PLCG2: variants seen among roughly 807,000 people sequenced by gnomAD.
PLCG2 encodes the protein phospholipase C gamma 2.
PLCG2 carries 69 observed loss-of-function variants against 175.6 expected under a neutral mutation model. That is an observed-to-expected ratio of 0.39 (90% CI 0.32 to 0.48). The LOEUF (loss-of-function observed/expected upper bound fraction) is 0.48, where lower values mean the gene tolerates loss of function less well. PLCG2 is among the 20% of genes least tolerant of loss of function. PLCG2 has a pLI of 0.91. For missense variants in PLCG2, 1,798 were observed against 1,650.9 expected, an observed-to-expected ratio of 1.09 and a Z score of -1.54; for synonymous variants, 827 against 624.0, an observed-to-expected ratio of 1.33 and a Z score of -4.85.
At chr16:81,832,107 G>A (rs572894545) in intron 2 of PLCG2, among the ~76,000 whole-genome samples, 2 of 152,086 alleles carry the variant, frequency 1.3e-5, no homozygotes, top group Admixed American at 6.6e-5. Flanking sequence ...ATAAATGGAG[G>A]GGGGGAATAG....
intron 10 of PLCG2, among the ~76,000 whole-genome samples, chr16:81,889,740 C>T (rs1030575735): frequency 3.3e-5 from 5 of 152,034 alleles, no homozygotes; most frequent in Non-Finnish European, 7.4e-5. Context: ...CTGCAACCTC[C>T]GCCTCCCAGG....
intron 2 of PLCG2, among the ~76,000 whole-genome samples, chr16:81,828,846 TC>T (rs546580205): frequency 3.3e-5 from 5 of 152,246 alleles, no homozygotes; most frequent in Admixed American, 3.3e-4. Context: ...TAACTTGCAT[TC>T]CTTTTTCTTT....
At chr16:81,808,981 G>A (rs1343147233) in intron 2 of PLCG2, among the ~76,000 whole-genome samples, 1 of 152,208 alleles carries the variant, frequency 6.6e-6, no homozygotes, top group Non-Finnish European at 1.5e-5. Flanking sequence ...GGTTGGTGGT[G>A]TCTACCAGGC....
intron 2 of PLCG2, among the ~76,000 whole-genome samples, chr16:81,843,975 C>A (rs1905972150): frequency 6.7e-6 from 1 of 149,636 alleles, no homozygotes; most frequent in South Asian, 2.1e-4. Flanking sequence ...TTTTCTTTTT[C>A]TTTCTTTCTT....
chr16:81,919,424 G>C, intron 19 of PLCG2, 60 bp from the exon 20 acceptor site: 1 of 1,394,686 alleles, frequency 7.2e-7, no homozygotes, highest in Non-Finnish European at 1.0e-6. Context: ...TAGGGTTTGT[G>C]TAAAAATTGT....
chr16:81,948,357 T>C (rs1911234587), intron 31 of PLCG2, among the ~76,000 whole-genome samples: 1 of 152,174 alleles, frequency 6.6e-6, no homozygotes, highest in Non-Finnish European at 1.5e-5. Context: ...TAAATAGTCA[T>C]CATCTTCCAT....
intron 27 of PLCG2, among the ~76,000 whole-genome samples, chr16:81,936,984 A>C (rs931755700): frequency 6.6e-6 from 1 of 152,236 alleles, no homozygotes; most frequent in Non-Finnish European, 1.5e-5. Flanking sequence ...CATAGACAGC[A>C]CTGCCTTCTG....
intron 9 of PLCG2, chr16:81,883,619 G>A (rs1908203750): frequency 2.1e-6 from 1 of 486,618 alleles, no homozygotes; most frequent in Non-Finnish European, 3.8e-6. Flanking sequence ...AAGATGGCAG[G>A]GCAGGAGGGG....
intron 2 of PLCG2, among the ~76,000 whole-genome samples, chr16:81,821,339 A>G (rs1003883938): frequency 6.6e-6 from 1 of 152,248 alleles, no homozygotes; most frequent in Admixed American, 6.5e-5. Context: ...AAACCACCCC[A>G]AGGCATAGTG....
At position 81,908,472 on chromosome 16, in the gene PLCG2, G is replaced by A. The variant is rs773709192; in HGVS notation, c.1614G>A (p.Glu538=). 2 of 1,614,170 alleles carry A rather than the reference G, an allele frequency of 1.2e-6. No individual in the cohort carries two copies. The highest frequency in any genetic ancestry group is 1.7e-6 in the Non-Finnish European group (2 of 1,180,010). Residue 538 remains glutamate (E), a synonymous_variant, in exon 17 of 33, where the codon GAG becomes GAA. Transcript: ENST00000564138. ...AGAAATGGTTCCACAAGAAGGTGGA[G>A]AAGAGGACGAGTGCCGAGAAGTTGC... ...FGEKWFHKKV[E]KRTSAEKLLQ...
intron 10 of PLCG2, 59 bp from the exon 11 acceptor site, chr16:81,891,413 A>G: frequency 1.0e-6 from 1 of 979,562 alleles, no homozygotes; most frequent in Non-Finnish European, 1.7e-6. Flanking sequence ...ACCAGAAACA[A>G]GCAGACACCA....
In PLCG2 at chr16:81,960,006, T is replaced by C. The variant is rs1179721369; in HGVS notation, c.*2008T>C. On this transcript the variant is annotated 3_prime_UTR_variant, in exon 33 of 33. Coordinates refer to ENST00000564138, the MANE Select transcript of PLCG2 (RefSeq NM_002661.5). ...CGGCATAGGAAGCAGAAGCTAAGCC[T>C]CTCTCCAGCTGCTGCTGTGTAAAAT... 1.9e-5 allele frequency: 4 copies of C among 213,570 alleles called. No individual in the cohort carries two copies. Among genetic ancestry groups the C allele is most frequent in the African/African-American group, 6.8e-5 (3 of 44,226 alleles). The allele number at this position is 213,570 out of a possible 1,614,324, so 13.2% of individuals were successfully genotyped here. A position where few individuals can be genotyped will look rare whatever the true frequency, so the allele number is the denominator to read the frequency against.
At chr16:81,903,403 G>A (rs1317107294) in intron 14 of PLCG2, among the ~76,000 whole-genome samples, 1 of 152,248 alleles carries the variant, frequency 6.6e-6, no homozygotes, top group African/African-American at 2.4e-5. Context: ...GTGCCCCCAT[G>A]GGTAAGAGCA....
Position 81,780,887 on chromosome 16 carries a change from C to T in PLCG2, c.-48+1463C>T, listed in dbSNP as rs534304151. ...ACTAAAACTACAAAAATTACCTGGG[C>T]GTGGTGGTGGCCGCCTGTAATCCCA... On this transcript the variant is annotated intron_variant, in intron 1 of 32. Coordinates refer to ENST00000564138, the MANE Select transcript of PLCG2 (RefSeq NM_002661.5). 5.8e-3 allele frequency among the ~76,000 whole-genome samples: 881 copies of T among 152,164 alleles called. 6 individuals carry two copies. Among genetic ancestry groups the T allele is most frequent in the Middle Eastern group, 0.01 (3 of 294 alleles).
chr16:81,855,613 A>T (rs1319818315), intron 3 of PLCG2, among the ~76,000 whole-genome samples: 14 of 152,196 alleles, frequency 9.2e-5, no homozygotes, highest in Non-Finnish European at 1.5e-5. Flanking sequence ...TGCCGCCTTT[A>T]AGAAGCTCTC....
At chr16:81,823,507 C>G (rs1268938141) in intron 2 of PLCG2, among the ~76,000 whole-genome samples, 1 of 152,128 alleles carries the variant, frequency 6.6e-6, no homozygotes, top group Non-Finnish European at 1.5e-5. Context: ...GTGTTGAAGG[C>G]TTTAAGATGA....
At chr16:81,785,895 C>A in intron 1 of PLCG2, 48 bp from the exon 2 acceptor site, 4 of 1,165,130 alleles carry the variant, frequency 3.4e-6, no homozygotes, top group Admixed American at 2.1e-5. Flanking sequence ...GTTAACTAAA[C>A]CCCTTTCAGT....
intron 2 of PLCG2, among the ~76,000 whole-genome samples, chr16:81,818,015 T>C (rs527410412): frequency 6.6e-6 from 1 of 152,340 alleles, no homozygotes; most frequent in African/African-American, 2.4e-5. Context: ...GGTTGTCATC[T>C]ACTCTCTGTT....
intron 2 of PLCG2, among the ~76,000 whole-genome samples, chr16:81,800,512 A>G (rs1237592405): frequency 6.6e-6 from 1 of 152,152 alleles, no homozygotes; most frequent in Non-Finnish European, 1.5e-5. Context: ...GATGGCTTCC[A>G]GCTTCATCTA....
Sources: gnomAD v4.1 joint callset for allele counts (sites outside exome capture counted in the v4.1 genomes callset) on GRCh38, gnomAD v4.1.1 for gene constraint, MANE v1.5 for transcripts, NCBI Gene and HGNC (gene_info 2026-07-23, HGNC 2026-07-21) for gene names.